The following TTC14 variants were observed in gnomAD, a reference collection of about 807,000 sequenced individuals.
TTC14 encodes the protein tetratricopeptide repeat domain 14, also known as tetratricopeptide repeat protein 14.
TTC14 carries 63 observed loss-of-function variants against 79.9 expected under a neutral mutation model. The observed-to-expected ratio is 0.79, with a 90% confidence interval of 0.64 to 0.97. TTC14 has a LOEUF of 0.97. Ranked by LOEUF, TTC14 falls within the 50% of genes least tolerant of loss-of-function variation. The probability of loss-of-function intolerance (pLI) is 0.00; values close to 1 mark genes in which losing one functional copy is unlikely to be tolerated. For synonymous variants in TTC14, 335 were observed against 309.6 expected (o/e 1.08, Z -0.86); for missense variants, 895 against 894.0 (o/e 1.00, Z -0.01).
Position 180,606,371 on chromosome 3 carries a change from T to C in TTC14, c.1048T>C (p.Leu350=), listed in dbSNP as rs777212134. The C allele has an allele frequency of 2.5e-6, 4 of 1,613,874 alleles. No homozygotes were observed. The highest frequency in any genetic ancestry group is 2.2e-5 in the South Asian group (2 of 91,064). The change falls in exon 8 of 12, where the codon TTA becomes CTA. Residue 350 remains leucine, a splice_region_variant and synonymous_variant. Transcript: ENST00000296015. ...NVEALVARGA[L]YATKGSLNKA... ...GGAAGCTTTGGTAGCTCGTGGAGCA[T>C]TGTAAGTGAATCATACATGGATTTT...
chr3:180,610,176 G>A lies in TTC14; in HGVS notation c.1947G>A (p.Lys649=), dbSNP rs772533054. Residue 649 remains lysine (K), a synonymous_variant, in exon 12 of 12, where the codon AAG becomes AAA. Transcript: ENST00000296015. ...TTTATGGTTATAGGAGATTTGAAAA[G>A]GATATAGAGGGAAGAAAAGAGCACT... ...DKIYGYRRFE[K]DIEGRKEHYR... The A allele has an allele frequency of 1.4e-5, 23 of 1,613,626 alleles. No individual in the cohort carries two copies. Among genetic ancestry groups the A allele is most frequent in the Non-Finnish European group, 1.9e-5 (23 of 1,179,846 alleles).
chr3:180,615,153 G>A, downstream of TTC14: 4 of 1,095,894 alleles, frequency 3.6e-6, no homozygotes, highest in East Asian at 5.7e-5. Flanking sequence ...ATTGGCAAAA[G>A]GTACCATAAT....
downstream of TTC14, chr3:180,614,944 T>TAAC (rs556950924): frequency 2.8e-5 from 44 of 1,565,628 alleles, no homozygotes; most frequent in East Asian, 1.0e-3. Flanking sequence ...TTTTTGCTCT[T>TAAC]AACATTACTA....
intron 11 of TTC14, 132 bp from the exon 12 acceptor site, chr3:180,609,498 C>T (rs1042691756): frequency 9.8e-6 from 13 of 1,331,982 alleles, no homozygotes; most frequent in South Asian, 9.4e-5. Flanking sequence ...TTGTAGTAGC[C>T]GAGATTATTG....
intron 7 of TTC14, 23 bp downstream of exon 7, chr3:180,605,860 A>T (rs369525987): frequency 1.1e-5 from 18 of 1,569,842 alleles, no homozygotes; most frequent in Non-Finnish European, 1.5e-5. Context: ...TCTTTCAACA[A>T]TTGCATTATA....
chr3:180,610,430 G>C lies in TTC14; in HGVS notation c.2201G>C (p.Ser734Thr). The C allele has an allele frequency of 6.2e-7, 1 of 1,613,656 alleles. No individual in the cohort carries two copies. Residue 734 changes from serine to threonine, a missense_variant, in exon 12 of 12, where the codon AGC becomes ACC. Ser to Thr is a moderately conservative substitution (Grantham distance 58, BLOSUM62 1). Coordinates refer to ENST00000296015, the MANE Select transcript of TTC14 (RefSeq NM_133462.4). ...GTTCCAGAAGAAGATGCACTAAGTA[G>C]CAAAGAACACTCAGAAAGCAGTGTT... ...TEVPEEDALS[S>T]KEHSESSVKK... is the part of the protein sequence containing the mutation.
exon 13 of TTC14, chr3:180,617,717 CAA>C (rs1717300947): frequency 5.2e-6 from 2 of 384,996 alleles, no homozygotes; most frequent in South Asian, 1.4e-4. Flanking sequence ...AATGTCATCA[CAA>C]AAGAGTAAAA....
rs1356653358 is a variant in TTC14 at position 180,610,829 on chromosome 3, C to A, written c.*287C>A. 6.8e-5 allele frequency: 69 copies of A among 1,011,708 alleles called. No individual in the cohort carries two copies. Among genetic ancestry groups the A allele is most frequent in the Non-Finnish European group, 8.0e-5 (68 of 846,830 alleles). The allele number at this position is 1,011,708 out of a possible 1,614,324, so 62.7% of individuals were successfully genotyped here. ...TAATTCTCTGAAAGTACTGTTTCTT[C>A]ATTCTATTGCGGTATATGAGAATTC... On this transcript the variant is annotated 3_prime_UTR_variant, in exon 12 of 12. Transcript: ENST00000296015.
intron 9 of TTC14, among the ~76,000 whole-genome samples, chr3:180,607,218 T>C (rs113972292): frequency 8.1e-4 from 123 of 152,304 alleles, no homozygotes; most frequent in African/African-American, 2.9e-3. Flanking sequence ...CTTGTGAAAT[T>C]CATCTAATGA....
Position 180,610,091 on chromosome 3 carries a change from G to A in TTC14, c.1862G>A (p.Arg621Lys), listed in dbSNP as rs771433140. The change falls in exon 12 of 12, where the codon AGA becomes AAA. Residue 621 changes from arginine (R) to lysine (K), a missense_variant. Transcript: ENST00000296015. ...ACAGAAAAGCCATATAAATCAGAAA[G>A]ACATTTTTCCAGTAGAAGAAATTCC... ...SKTEKPYKSE[R>K]HFSSRRNSSD... The A allele has an allele frequency of 2.2e-5, 35 of 1,613,350 alleles. No individual in the cohort carries two copies. Among genetic ancestry groups the A allele is most frequent in the Non-Finnish European group, 2.9e-5 (34 of 1,179,830 alleles).
Position 180,609,960 on chromosome 3 carries a change from C to G in TTC14, c.1731C>G (p.Cys577Trp). The G allele has an allele frequency of 6.2e-7, 1 of 1,613,978 alleles. No individual in the cohort carries two copies. Among genetic ancestry groups the G allele is most frequent in the African/African-American group, 1.3e-5 (1 of 75,008 alleles). The part of the protein sequence containing the change: ...EKTQIKEKDR[C>W]PLSSSSLEIP... ...CACAGATAAAAGAGAAAGATAGATG[C>G]CCTCTCTCTTCATCTTCACTTGAAA... Residue 577 changes from cysteine (C) to tryptophan (W), a missense_variant, in exon 12 of 12, where the codon TGC (cysteine) becomes TGG (tryptophan). By Grantham distance (215) the Cys-to-Trp change is radical. Transcript: ENST00000296015.
At position 180,610,203 on chromosome 3, in the gene TTC14, T is replaced by C. The variant is rs1716916301; in HGVS notation, c.1974T>C (p.Tyr658=). The change falls in exon 12 of 12, where the codon TAT becomes TAC. Residue 658 remains tyrosine, a synonymous_variant. Coordinates refer to ENST00000296015, the MANE Select transcript of TTC14 (RefSeq NM_133462.4). ...EKDIEGRKEH[Y]RRWEPGSVRH... ...ATATAGAGGGAAGAAAAGAGCACTA[T>C]AGAAGGTGGGAACCAGGTTCTGTGA... The C allele has an allele frequency of 6.2e-7, 1 of 1,613,850 alleles. No homozygotes were observed.
intron 3 of TTC14, 175 bp downstream of exon 3, chr3:180,603,498 C>G: frequency 1.6e-6 from 1 of 619,178 alleles, no homozygotes; most frequent in South Asian, 2.0e-5. Flanking sequence ...CCAGTTTCTC[C>G]CTCCATTTCT....
In TTC14 at chr3:180,609,311, C is replaced by T. The variant is rs1214559026; in HGVS notation, c.1401-319C>T. On this transcript the variant is annotated intron_variant, in intron 11 of 11. Transcript: ENST00000296015. Reference sequence around the variant, plus strand: ...AATACCAATAATCAGGTGAAGAAACCATGAACTAGAGGTAGCCAAATAAAA... The same window carrying T: ...AATACCAATAATCAGGTGAAGAAACTATGAACTAGAGGTAGCCAAATAAAA... The T allele has an allele frequency of 3.8e-5, 39 of 1,032,220 alleles. 1 individual carries two copies. Among genetic ancestry groups the T allele is most frequent in the African/African-American group, 3.4e-5 (2 of 58,564 alleles). The allele number at this position is 1,032,220 out of a possible 1,614,324, so 63.9% of individuals were successfully genotyped here. A position where few individuals can be genotyped will look rare whatever the true frequency, so the allele number is the denominator to read the frequency against.
downstream of TTC14, chr3:180,613,911 C>T: frequency 2.3e-6 from 1 of 442,956 alleles, no homozygotes; most frequent in Admixed American, 2.6e-5. Flanking sequence ...ACTACCACTA[C>T]TGCTTTTCAG....
At chr3:180,616,418 A>T in intron 12 of TTC14, 1 of 1,522,730 alleles carries the variant, frequency 6.6e-7, no homozygotes, top group Non-Finnish European at 8.8e-7. Context: ...TTTAGAAGAT[A>T]AATATTTTTA....
chr3:180,610,338 C>G lies in TTC14; in HGVS notation c.2109C>G (p.Tyr703Ter). The change falls in exon 12 of 12, where the codon TAC becomes TAG. Residue 703 changes from tyrosine (Y) to a stop codon, truncating the protein, a stop_gained. Coordinates refer to ENST00000296015, the MANE Select transcript of TTC14 (RefSeq NM_133462.4). LOFTEE classifies it high-confidence loss of function. ...ATTTCAGTAGACATGAGCAAAGATA[C>G]CGTTTAAATACAAATCAAGGAGAAT... ...SRDFSRHEQRYRLNTNQGEYE... is the reference protein window; with the variant it reads ...SRDFSRHEQR 6.2e-7 allele frequency: 1 copy of G among 1,612,802 alleles called. No individual in the cohort carries two copies. Among genetic ancestry groups the G allele is most frequent in the Non-Finnish European group, 8.5e-7 (1 of 1,179,654 alleles).
rs1415022461 is a variant in TTC14 at position 180,609,373 on chromosome 3, G to A, written c.1401-257G>A. The A allele has an allele frequency of 2.6e-6, 3 of 1,144,434 alleles. No individual in the cohort carries two copies. In the African/African-American group the frequency reaches 4.8e-5, roughly 18 times the overall value. 70.9% of individuals were successfully genotyped at this position (1,144,434 alleles called of 1,614,324 possible). A position where few individuals can be genotyped will look rare whatever the true frequency, so the allele number is the denominator to read the frequency against. On this transcript the variant is annotated intron_variant, in intron 11 of 11. Transcript: ENST00000296015. Reference sequence around the variant, plus strand: ...TCCTTTATGTGTTCAGTAGTCTTAAGTTTTTAAGGTAGTGTTGAAAAAAGT... The same window carrying A: ...TCCTTTATGTGTTCAGTAGTCTTAAATTTTTAAGGTAGTGTTGAAAAAAGT...
At chr3:180,605,146 A>T in intron 6 of TTC14, 139 bp downstream of exon 6, 1 of 727,564 alleles carries the variant, frequency 1.4e-6, no homozygotes. Flanking sequence ...GAACCAGGTG[A>T]TCCCATCTTC....
Sources: gnomAD v4.1 joint callset for allele counts (sites outside exome capture counted in the v4.1 genomes callset) on GRCh38, gnomAD v4.1.1 for gene constraint, MANE v1.5 for transcripts, NCBI Gene and HGNC (gene_info 2026-07-23, HGNC 2026-07-21) for gene names.